Variants in PDE4B observed in about 807,000 individuals in gnomAD.
The protein encoded by PDE4B is 3',5'-cyclic-AMP phosphodiesterase 4B.
PDE4B carries 20 observed loss-of-function variants against 82.2 expected under a neutral mutation model. The observed-to-expected ratio is 0.24, with a 90% CI of 0.17 to 0.35. PDE4B has a LOEUF of 0.35. Among genes scored for constraint, PDE4B ranks in the 10% least tolerant of loss-of-function variants. The pLI, the probability that PDE4B is intolerant of heterozygous loss-of-function variation, is 1.00. For synonymous variants in PDE4B, 320 were observed against 318.9 expected (o/e 1.00, Z -0.04); for missense variants, 655 against 907.2 (o/e 0.72, Z 3.57).
chr1:66,305,044 G>C (rs1339446130), intron 7 of PDE4B, among the ~76,000 whole-genome samples: 1 of 152,108 alleles, frequency 6.6e-6, no homozygotes, highest in Non-Finnish European at 1.5e-5. Flanking sequence ...ACACTCTAAT[G>C]ACTTGAAGAG....
intron 12 of PDE4B, 72 bp from the exon 13 acceptor site, chr1:66,365,595 T>A: frequency 1.2e-6 from 1 of 810,040 alleles, no homozygotes; most frequent in South Asian, 1.6e-5. Flanking sequence ...AGTAGGATAC[T>A]TTACAAATGA....
At chr1:65,914,377 T>C (rs570094005) in intron 2 of PDE4B, among the ~76,000 whole-genome samples, 17 of 152,284 alleles carry the variant, frequency 1.1e-4, no homozygotes, top group Admixed American at 2.6e-4. Context: ...AATACACTCC[T>C]TTTCCATTGC....
intron 3 of PDE4B, among the ~76,000 whole-genome samples, chr1:66,010,865 A>G (rs961475298): frequency 6.7e-6 from 1 of 149,296 alleles, no homozygotes; most frequent in Non-Finnish European, 1.5e-5. Context: ...CGTGGGGATG[A>G]TGAGGCTGAG....
intron 3 of PDE4B, among the ~76,000 whole-genome samples, chr1:66,036,869 T>G (rs1170482233): frequency 6.6e-6 from 1 of 152,158 alleles, no homozygotes; most frequent in East Asian, 1.9e-4. Context: ...GTGTGGTGTC[T>G]TATGCCTGTA....
chr1:66,052,156 A>G (rs976583247), intron 3 of PDE4B, among the ~76,000 whole-genome samples: 7 of 152,222 alleles, frequency 4.6e-5, no homozygotes, highest in Non-Finnish European at 8.8e-5. Context: ...TAGAGAATAC[A>G]ACTGGCATCA....
chr1:66,087,981 C>T (rs1644926225), intron 3 of PDE4B, among the ~76,000 whole-genome samples: 1 of 151,494 alleles, frequency 6.6e-6, no homozygotes, highest in Non-Finnish European at 1.5e-5. Context: ...AACTAACCTG[C>T]ACATTGTGCA....
chr1:66,280,595 A>G (rs939887454), intron 7 of PDE4B, among the ~76,000 whole-genome samples: 1 of 152,140 alleles, frequency 6.6e-6, no homozygotes, highest in Non-Finnish European at 1.5e-5. Context: ...TGTGAATCCA[A>G]TTTGCCAGGT....
chr1:66,079,821 T>C (rs1260813441), intron 3 of PDE4B, among the ~76,000 whole-genome samples: 1 of 152,124 alleles, frequency 6.6e-6, no homozygotes, highest in Non-Finnish European at 1.5e-5. Flanking sequence ...TAAAATACAA[T>C]TTGTTAAATT....
At chr1:66,312,618 C>T (rs1231322295) in intron 7 of PDE4B, among the ~76,000 whole-genome samples, 1 of 152,202 alleles carries the variant, frequency 6.6e-6, no homozygotes, top group African/African-American at 2.4e-5. Flanking sequence ...CATCTGCTAC[C>T]TTTTGCCATA....
At chr1:65,827,143 G>A (rs1337868235) in intron 1 of PDE4B, among the ~76,000 whole-genome samples, 2 of 151,816 alleles carry the variant, frequency 1.3e-5, no homozygotes, top group African/African-American at 2.4e-5. Context: ...CCTTCCCTAC[G>A]CTAAACATTT....
In PDE4B at chr1:66,202,655, G is replaced by T. The variant is rs553252122; in HGVS notation, c.282-44805G>T. ...TTGGTTTAAAGTCTGTTTTATCAGA[G>T]ACTAGGATTGCAACCCCTGCCTTTT... On this transcript the variant is annotated intron_variant, in intron 3 of 16. Coordinates refer to ENST00000341517, the MANE Select transcript of PDE4B (RefSeq NM_002600.4). Among the ~76,000 whole-genome samples, 54 of 152,136 alleles carry T rather than the reference G, an allele frequency of 3.5e-4. 1 individual carries two copies. In the East Asian group the frequency reaches 5.2e-3, roughly 15 times the overall value.
intron 1 of PDE4B, among the ~76,000 whole-genome samples, chr1:65,813,332 G>T (rs1645841127): frequency 6.6e-6 from 1 of 152,108 alleles, no homozygotes; most frequent in East Asian, 1.9e-4. Context: ...TAATTAATTG[G>T]GGGAATTGAA....
At chr1:66,256,534 A>G (rs1382451297) in intron 4 of PDE4B, among the ~76,000 whole-genome samples, 3 of 152,166 alleles carry the variant, frequency 2.0e-5, no homozygotes, top group Non-Finnish European at 4.4e-5. Flanking sequence ...ATTAAATTGA[A>G]GTTTGGAGGT....
intron 3 of PDE4B, among the ~76,000 whole-genome samples, chr1:65,936,382 G>T (rs925791754): frequency 6.6e-6 from 1 of 152,118 alleles, no homozygotes; most frequent in East Asian, 1.9e-4. Flanking sequence ...GTAATGCTAC[G>T]ACATTATTAT....
At chr1:65,857,383 G>T (rs1646404918) in intron 1 of PDE4B, among the ~76,000 whole-genome samples, 1 of 152,074 alleles carries the variant, frequency 6.6e-6, no homozygotes, top group Admixed American at 6.6e-5. Context: ...CCTCAGGAAT[G>T]TTTTCTGTGA....
intron 3 of PDE4B, among the ~76,000 whole-genome samples, chr1:65,934,356 T>G (rs183786301): frequency 1.8e-4 from 28 of 152,296 alleles, no homozygotes; most frequent in African/African-American, 5.8e-4. Context: ...AGGAGGCTAA[T>G]GCAGGAGGAT....
intron 3 of PDE4B, among the ~76,000 whole-genome samples, chr1:66,215,852 A>G (rs949689073): frequency 1.3e-5 from 2 of 152,154 alleles, no homozygotes; most frequent in African/African-American, 4.8e-5. Context: ...CTCTGTCCCC[A>G]TCTCACAAGG....
At chr1:66,134,204 G>C (rs537023252) in intron 3 of PDE4B, among the ~76,000 whole-genome samples, 1 of 152,324 alleles carries the variant, frequency 6.6e-6, no homozygotes, top group South Asian at 2.1e-4. Flanking sequence ...GATTCAGCCA[G>C]AGAAACAATT....
intron 3 of PDE4B, among the ~76,000 whole-genome samples, chr1:66,168,263 C>G (rs1646773800): frequency 6.6e-6 from 1 of 152,110 alleles, no homozygotes; most frequent in Non-Finnish European, 1.5e-5. Context: ...CAGAAATCCT[C>G]TTTCTCCTGG....
Sources: gnomAD v4.1 joint callset for allele counts (sites outside exome capture counted in the v4.1 genomes callset) on GRCh38, gnomAD v4.1.1 for gene constraint, MANE v1.5 for transcripts, NCBI Gene and HGNC (gene_info 2026-07-23, HGNC 2026-07-21) for gene names.